The following SNX4 variants were observed in gnomAD, a reference collection of about 807,000 sequenced individuals.
SNX4 encodes the protein sorting nexin-4.
In SNX4, 49 loss-of-function variants were observed where a neutral mutation model predicts 70.8. The ratio of observed to expected loss-of-function variants is 0.69; its 90% CI spans 0.55 to 0.88. The LOEUF (loss-of-function observed/expected upper bound fraction) is 0.88, where lower values mean the gene tolerates loss of function less well. Among genes scored for constraint, SNX4 ranks in the 40% least tolerant of loss-of-function variants. The probability of loss-of-function intolerance (pLI) is 0.00; values close to 1 mark genes in which losing one functional copy is unlikely to be tolerated. For synonymous variants in SNX4, 206 were observed against 183.8 expected, an observed-to-expected ratio of 1.12 and a Z score of -0.98; for missense variants, 528 against 544.8, an observed-to-expected ratio of 0.97 and a Z score of 0.31.
intron 7 of SNX4, among the ~76,000 whole-genome samples, chr3:125,478,830 T>C: frequency 6.6e-6 from 1 of 152,130 alleles, no homozygotes; most frequent in East Asian, 1.9e-4. Flanking sequence ...CCACGAGAAC[T>C]ATTGCCTAAT....
chr3:125,494,637 C>G (rs1474174768), intron 5 of SNX4, among the ~76,000 whole-genome samples: 1 of 152,132 alleles, frequency 6.6e-6, no homozygotes, highest in Non-Finnish European at 1.5e-5. Flanking sequence ...CTTATAGCAA[C>G]AGTTGTCAAG....
At chr3:125,466,552 T>C (rs1934024643) in intron 9 of SNX4, among the ~76,000 whole-genome samples, 2 of 152,300 alleles carry the variant, frequency 1.3e-5, no homozygotes, top group African/African-American at 4.8e-5. Flanking sequence ...TCCCAAACTA[T>C]GTTATCTGAC....
At chr3:125,507,870 G>A (rs1397306627) in intron 1 of SNX4, among the ~76,000 whole-genome samples, 8 of 151,866 alleles carry the variant, frequency 5.3e-5, no homozygotes, top group African/African-American at 1.5e-4. Context: ...CCAAGATCAC[G>A]CCACTGAACT....
At position 125,476,732 on chromosome 3, in the gene SNX4, C is replaced by A. The variant is rs755660601; in HGVS notation, c.751G>T (p.Val251Leu). Reference protein sequence around the residue: ...RARVADRLYGVYKVHGNYGRV... With the variant: ...RARVADRLYGLYKVHGNYGRV... ...CCATAATTCCCATGTACTTTATATA[C>A]ACCATAGAGTCGATCTGCTACTCTC... The change falls in exon 8 of 14, where the codon GTA becomes TTA. Residue 251 changes from valine (V) to leucine (L), a missense_variant. Around this residue, in one of 3 missense-constraint regions of SNX4, gnomAD observed 341 missense variants for 312.2 expected, o/e 1.09. Coordinates refer to ENST00000251775, the MANE Select transcript of SNX4 (RefSeq NM_003794.4). 1 of 1,599,232 alleles carries A rather than the reference C, an allele frequency of 6.3e-7. No individual in the cohort carries two copies. Among genetic ancestry groups the A allele is most frequent in the South Asian group, 1.1e-5 (1 of 89,708 alleles).
chr3:125,490,540 A>G (rs1934633240), intron 5 of SNX4, among the ~76,000 whole-genome samples: 1 of 151,474 alleles, frequency 6.6e-6, no homozygotes, highest in Non-Finnish European at 1.5e-5. Flanking sequence ...AAAAAAAAAA[A>G]AAAAAGAAAT....
Position 125,461,949 on chromosome 3 carries a change from G to A in SNX4, c.855-1089C>T, listed in dbSNP as rs889650810. 5.9e-5 allele frequency among the ~76,000 whole-genome samples: 9 copies of A among 152,212 alleles called. No homozygotes were observed. The South Asian group carries it at 6.2e-4, about 11-fold the overall frequency. On this transcript the variant is annotated intron_variant, in intron 9 of 13. Coordinates refer to ENST00000251775, the MANE Select transcript of SNX4 (RefSeq NM_003794.4). The stretch of plus-strand genomic sequence containing the variant: ...ATTACAGGCGTGAGCCACAGCGCCC[G>A]GCCATTTTATACTAATTCTTAATAG...
chr3:125,461,919 C>T (rs538046756), intron 9 of SNX4, among the ~76,000 whole-genome samples: 108 of 152,270 alleles, frequency 7.1e-4, no homozygotes, highest in African/African-American at 2.4e-3. Flanking sequence ...TCCCAAAGTG[C>T]TAGGATTACA....
chr3:125,493,830 G>A (rs2107556269), intron 5 of SNX4, among the ~76,000 whole-genome samples: 1 of 151,754 alleles, frequency 6.6e-6, no homozygotes, highest in Non-Finnish European at 1.5e-5. Flanking sequence ...AGGAGATCGA[G>A]ACCATCCTGG....
chr3:125,506,806 T>C (rs977455665), intron 1 of SNX4, among the ~76,000 whole-genome samples: 2 of 29,920 alleles, frequency 6.7e-5, no homozygotes, highest in Non-Finnish European at 1.3e-4. Context: ...TAAAGAAAGA[T>C]GTGGAGAAAG....
At chr3:125,487,495 T>A (rs1295022639) in intron 6 of SNX4, among the ~76,000 whole-genome samples, 1 of 152,132 alleles carries the variant, frequency 6.6e-6, no homozygotes, top group Non-Finnish European at 1.5e-5. Flanking sequence ...AATACTAGTA[T>A]TAATCAAAAA....
At chr3:125,515,370 TA>T (rs2107575421) in intron 1 of SNX4, among the ~76,000 whole-genome samples, 2 of 151,242 alleles carry the variant, frequency 1.3e-5, no homozygotes, top group East Asian at 2.0e-4. Flanking sequence ...TATATATATA[TA>T]TATTTTTGGG....
rs767432586 is a variant in SNX4, at chr3:125,471,344, CAAAAA to C, written c.789-1830_789-1826del. ...GGGCAACAAGAGCAAAGCTCCATCT[CAAAAA>C]AAAAAAAAAAAAAAAAAAAAAAGCT... On this transcript the variant is annotated intron_variant, in intron 8 of 13. Coordinates refer to ENST00000251775, the MANE Select transcript of SNX4 (RefSeq NM_003794.4). 0.015 allele frequency among the ~76,000 whole-genome samples: 413 copies of C among 28,058 alleles called. 1 individual carries two copies. The East Asian group carries it at 0.17, about 12-fold the overall frequency. 18.4% of individuals were successfully genotyped at this position (28,058 alleles called of 152,430 possible).
intron 8 of SNX4, among the ~76,000 whole-genome samples, chr3:125,472,124 A>G (rs1934190809): frequency 6.6e-6 from 1 of 152,048 alleles, no homozygotes; most frequent in African/African-American, 2.4e-5. Flanking sequence ...TTCTTAGTCC[A>G]TTCTTTCACT....
intron 10 of SNX4, among the ~76,000 whole-genome samples, chr3:125,460,198 C>CAAAAA (rs57601494): frequency 1.5e-5 from 1 of 64,702 alleles, no homozygotes; most frequent in Admixed American, 1.6e-4. Flanking sequence ...TAGTCTGTCT[C>CAAAAA]AAAAAAAAAA....
chr3:125,473,846 CTTGTA>C (rs1934233579), intron 8 of SNX4, among the ~76,000 whole-genome samples: 1 of 152,190 alleles, frequency 6.6e-6, no homozygotes, highest in African/African-American at 2.4e-5. Context: ...CCTTGAGTCT[CTTGTA>C]GACTTGCTCT....
intron 11 of SNX4, among the ~76,000 whole-genome samples, chr3:125,454,367 C>T (rs912311155): frequency 3.9e-5 from 6 of 152,106 alleles, no homozygotes; most frequent in African/African-American, 9.7e-5. Flanking sequence ...TTGTGAACTG[C>T]GCATGTGAGG....
chr3:125,488,838 G>C (rs1934591886), intron 6 of SNX4, among the ~76,000 whole-genome samples: 1 of 152,148 alleles, frequency 6.6e-6, no homozygotes, highest in Admixed American at 6.5e-5. Flanking sequence ...ATATAATGTA[G>C]AGTTTGAATT....
intron 9 of SNX4, among the ~76,000 whole-genome samples, chr3:125,466,380 T>C (rs1308200199): frequency 2.0e-5 from 3 of 151,144 alleles, no homozygotes; most frequent in Non-Finnish European, 4.4e-5. Flanking sequence ...AAATACCATT[T>C]GGGACATAGG....
intron 2 of SNX4, among the ~76,000 whole-genome samples, chr3:125,501,876 T>G (rs969894979): frequency 6.6e-6 from 1 of 152,218 alleles, no homozygotes; most frequent in Non-Finnish European, 1.5e-5. Flanking sequence ...GTATTCACAG[T>G]CTAGCTATTA....
Sources: gnomAD v4.1 joint callset for allele counts (sites outside exome capture counted in the v4.1 genomes callset) on GRCh38, gnomAD v4.1.1 for gene constraint, gnomAD v4.1.1 regional missense constraint, MANE v1.5 for transcripts, NCBI Gene and HGNC (gene_info 2026-07-23, HGNC 2026-07-21) for gene names.